The following HEATR4 variants were observed in gnomAD, a reference collection of about 807,000 sequenced individuals.
HEATR4 encodes HEAT repeat-containing protein 4.
HEATR4 carries 95 observed loss-of-function variants against 108.8 expected under a neutral mutation model. The ratio of observed to expected loss-of-function variants is 0.87; its 90% CI spans 0.74 to 1.04. The LOEUF is 1.04. HEATR4 is among the 50% of genes least tolerant of loss of function. HEATR4 has a pLI of 0.00. For synonymous variants in HEATR4, 443 were observed against 459.4 expected, an observed-to-expected ratio of 0.96 and a Z score of 0.46; for missense variants, 1,152 against 1,253.8, an observed-to-expected ratio of 0.92 and a Z score of 1.23.
chr14:73,520,740 G>A (rs1436326922), intron 4 of HEATR4, 112 bp downstream of exon 4: 2 of 985,014 alleles, frequency 2.0e-6, no homozygotes, highest in Admixed American at 4.6e-5. Flanking sequence ...GAAAACCTGG[G>A]TCATCCAGGG....
Position 73,492,842 on chromosome 14 carries a change from G to C in HEATR4, c.2844+224C>G, listed in dbSNP as rs1595085211. On this transcript the variant is annotated intron_variant, in intron 17 of 17. Transcript: ENST00000553558. This position sits in a 1 kb window ranked among gnomAD's most constrained non-coding sequence, Gnocchi z 4.9. ...TTCTTATCCAGAGTTTGTGAGAGTGGGGGACCTGCCCTGTGACAGTGTGGA... is the reference window on the plus strand; with the variant it reads ...TTCTTATCCAGAGTTTGTGAGAGTGCGGGACCTGCCCTGTGACAGTGTGGA... 1 of 1,613,852 alleles carries C rather than the reference G, an allele frequency of 6.2e-7. No individual in the cohort carries two copies. Among genetic ancestry groups the C allele is most frequent in the Non-Finnish European group, 8.5e-7 (1 of 1,179,862 alleles).
At chr14:73,599,434 A>G in the HEATR4 span, among the ~76,000 whole-genome samples, 1 of 152,160 alleles carries the variant, frequency 6.6e-6, no homozygotes, top group Non-Finnish European at 1.5e-5. Context: ...CTGGGTAGGA[A>G]TGGATCACCA....
At chr14:73,484,323 T>C (rs1287992922) in intron 17 of HEATR4, among the ~76,000 whole-genome samples, 3 of 151,940 alleles carry the variant, frequency 2.0e-5, no homozygotes. Flanking sequence ...GGCCAGATAG[T>C]AGATATTTCA....
chr14:73,538,544 C>T lies in HEATR4; in HGVS notation c.-151-8300G>A, dbSNP rs1257609856. Among the ~76,000 whole-genome samples, 4 of 95,370 alleles carry T rather than the reference C, an allele frequency of 4.2e-5. 2 individuals are homozygous for T. Among genetic ancestry groups the T allele is most frequent in the Non-Finnish European group, 8.4e-5 (4 of 47,844 alleles). The allele number at this position is 95,370 out of a possible 152,430, so 62.6% of individuals were successfully genotyped here. A position where few individuals can be genotyped will look rare whatever the true frequency, so the allele number is the denominator to read the frequency against. ...AGAAGAATGGCATGAACCCAGGAGG[C>T]GGAGTTTGCAGTGAGCCAAGATCGT... On this transcript the variant is annotated intron_variant, in intron 1 of 17. Transcript: ENST00000553558.
At chr14:73,622,850 A>G in the HEATR4 span, among the ~76,000 whole-genome samples, 1 of 152,162 alleles carries the variant, frequency 6.6e-6, no homozygotes, top group Non-Finnish European at 1.5e-5. Flanking sequence ...ATGGAATCCT[A>G]TGCCCTTGCC....
In HEATR4 at chr14:73,509,323, G is replaced by A. The variant is rs1394336546; in HGVS notation, c.1709C>T (p.Ala570Val). The change falls in exon 8 of 18, where the codon GCC becomes GTC. Residue 570 changes from alanine (A) to valine (V), a missense_variant. Transcript: ENST00000553558. Reference protein sequence around the residue: ...NPLARNIMQTALLKGNSVDSW... With the variant: ...NPLARNIMQTVLLKGNSVDSW... ...AGGGAGTTACTCACCCTTCAGAAGG[G>A]CAGTCTGCATGATGTTCCGGGCAAG... 1.9e-6 allele frequency: 3 copies of A among 1,613,862 alleles called. No homozygotes were observed. The highest frequency in any genetic ancestry group is 1.3e-5 in the African/African-American group (1 of 74,886).
At chr14:73,589,726 C>G in the HEATR4 span, among the ~76,000 whole-genome samples, 1,442 of 152,242 alleles carry the variant, frequency 9.5e-3, 16 homozygotes, top group African/African-American at 0.033. Context: ...TGGTCTTGGT[C>G]TCACTGACTT....
intron 15 of HEATR4, 48 bp downstream of exon 15, chr14:73,496,553 T>C (rs756808245): frequency 7.6e-6 from 9 of 1,182,322 alleles, no homozygotes; most frequent in Non-Finnish European, 1.0e-5. Flanking sequence ...TGAGGAACTC[T>C]TGAGAGTCCT....
At position 73,492,602 on chromosome 14, in the gene HEATR4, C is replaced by G; in HGVS notation, c.2844+464G>C. ...ACTAAGTGTTTACGGGCTTCCAATT[C>G]GCTGGGAGGCTGGAGAACCTGTAAA... On this transcript the variant is annotated intron_variant, in intron 17 of 17. Transcript: ENST00000553558. The surrounding 1 kb of genome is among the most constrained non-coding windows in gnomAD (Gnocchi z 4.9). 6.2e-7 allele frequency: 1 copy of G among 1,613,840 alleles called. No individual in the cohort carries two copies. Among genetic ancestry groups the G allele is most frequent in the Admixed American group, 1.7e-5 (1 of 59,992 alleles).
At chr14:73,501,777 G>A (rs1055254204) in intron 11 of HEATR4, among the ~76,000 whole-genome samples, 7 of 150,900 alleles carry the variant, frequency 4.6e-5, no homozygotes, top group Non-Finnish European at 8.8e-5. Context: ...TTTTTGAGAC[G>A]GAGTCTCACT....
At position 73,537,813 on chromosome 14, in the gene HEATR4, C is replaced by T. The variant is rs193163333; in HGVS notation, c.-151-7569G>A. ...GTGCGGCACGAGCGCTACTTCCTCC[C>T]GCCCGGGGTGCGGCGCGAGCCGGTG... On this transcript the variant is annotated intron_variant, in intron 1 of 17. Coordinates refer to ENST00000553558, the MANE Select transcript of HEATR4 (RefSeq NM_001220484.1). The T allele has an allele frequency of 3.7e-3, 4,547 of 1,214,170 alleles. 1,177 individuals are homozygous for T. The African/African-American group carries it at 0.065, about 17-fold the overall frequency. 75.2% of individuals were successfully genotyped at this position (1,214,170 alleles called of 1,614,324 possible).
At chr14:73,488,095 T>A (rs1013311835) in intron 17 of HEATR4, among the ~76,000 whole-genome samples, 1 of 152,144 alleles carries the variant, frequency 6.6e-6, no homozygotes, top group African/African-American at 2.4e-5. Flanking sequence ...ATCTTGTAGC[T>A]ATCTGTGGTA....
At chr14:73,612,552 C>G in the HEATR4 span, 1 of 1,327,110 alleles carries the variant, frequency 7.5e-7, no homozygotes, top group Non-Finnish European at 9.8e-7. Context: ...CTGGGTCGCC[C>G]CTGTTCTACC....
the HEATR4 span, among the ~76,000 whole-genome samples, chr14:73,610,655 A>G: frequency 2.0e-5 from 3 of 152,248 alleles, no homozygotes; most frequent in South Asian, 2.1e-4. Context: ...TGGAGGGCAT[A>G]TGAAATGTAC....
At chr14:73,580,425 A>G in the HEATR4 span, among the ~76,000 whole-genome samples, 4 of 152,054 alleles carry the variant, frequency 2.6e-5, no homozygotes, top group South Asian at 4.1e-4. Context: ...AGCCAATATA[A>G]TAAGAGTGAA....
Position 73,521,001 on chromosome 14 carries a change from A to C in HEATR4, c.920T>G (p.Ile307Ser), listed in dbSNP as rs777067401. The change falls in exon 4 of 18, where the codon ATC becomes AGC. Residue 307 changes from isoleucine (I) to serine (S), a missense_variant. Coordinates refer to ENST00000553558, the MANE Select transcript of HEATR4 (RefSeq NM_001220484.1). The stretch of plus-strand genomic sequence containing the variant: ...CTCAGTGCTCTTGTTGCCAGGCATG[A>C]TCTCAACTGTCTCTGCTTGTTGGAA... The part of the protein sequence containing the change: ...SYFQQAETVE[I>S]MPGNKSTEDI... 1 of 1,613,592 alleles carries C rather than the reference A, an allele frequency of 6.2e-7. No individual in the cohort carries two copies.
chr14:73,608,459 C>T, the HEATR4 span, among the ~76,000 whole-genome samples: 1 of 152,192 alleles, frequency 6.6e-6, no homozygotes, highest in Non-Finnish European at 1.5e-5. Context: ...CCATCTGAGA[C>T]CACCTCAGCC....
rs545660530 is a variant in HEATR4 at position 73,529,539 on chromosome 14, C to A, written c.-73+627G>T. Among the ~76,000 whole-genome samples the A allele has an allele frequency of 5.3e-5, 8 of 152,036 alleles. No homozygotes were observed. In the South Asian group the frequency reaches 1.7e-3, roughly 32 times the overall value. ...CCTGATGAACTTCCTAGATCCCCAA[C>A]TAGAAAATGTAGGAGTTGGACTAAA... On this transcript the variant is annotated intron_variant, in intron 2 of 17. Coordinates refer to ENST00000553558, the MANE Select transcript of HEATR4 (RefSeq NM_001220484.1).
In HEATR4 at chr14:73,522,589, T is replaced by C. The variant is rs1888042135; in HGVS notation, c.564A>G (p.Arg188=). The C allele has an allele frequency of 6.2e-7, 1 of 1,614,094 alleles. No homozygotes were observed. Among genetic ancestry groups the C allele is most frequent in the African/African-American group, 1.3e-5 (1 of 74,934 alleles). The change falls in exon 3 of 18, where the codon AGA becomes AGG. Residue 188 remains arginine, a synonymous_variant. Coordinates refer to ENST00000553558, the MANE Select transcript of HEATR4 (RefSeq NM_001220484.1). ...TCTCAGGAGGCAGAAGCCAGGCTTC[T>C]CTTTCCTCCAGGTTCACATCTAGAG... ...PPSLDVNLEE[R]EAWLLPPEKE...
Sources: allele counts gnomAD v4.1 joint callset (sites outside exome capture counted in the v4.1 genomes callset), GRCh38; gene constraint gnomAD v4.1.1; non-coding constraint Gnocchi (gnomAD v3.1); transcripts MANE v1.5; gene names NCBI Gene and HGNC (gene_info 2026-07-23, HGNC 2026-07-21).